CEMIP2: variants seen among roughly 807,000 people sequenced by gnomAD.
CEMIP2 encodes cell migration inducing hyaluronidase 2.
In CEMIP2, 79 loss-of-function variants were observed where a neutral mutation model predicts 146.9. That is an observed-to-expected ratio of 0.54 (90% CI 0.45 to 0.65). CEMIP2 has a LOEUF of 0.65. Among genes scored for constraint, CEMIP2 ranks in the 30% least tolerant of loss-of-function variants. The pLI is 0.00. For missense variants in CEMIP2, 1,596 were observed against 1,696.2 expected, an observed-to-expected ratio of 0.94 and a Z score of 1.04; for synonymous variants, 601 against 606.3, an observed-to-expected ratio of 0.99 and a Z score of 0.13.
intron 12 of CEMIP2, among the ~76,000 whole-genome samples, chr9:71,720,271 G>A (rs1324383604): frequency 2.0e-5 from 3 of 152,124 alleles, no homozygotes; most frequent in Non-Finnish European, 4.4e-5. Context: ...CACAAGGAAA[G>A]GCTTATGTGA....
chr9:71,693,124 T>TA (rs1343583293), intron 21 of CEMIP2, among the ~76,000 whole-genome samples: 3 of 152,106 alleles, frequency 2.0e-5, no homozygotes, highest in Admixed American at 2.0e-4. Context: ...TTTATGACAA[T>TA]AAAAAAATTA....
At chr9:71,723,183 G>T (rs1472003968) in intron 11 of CEMIP2, among the ~76,000 whole-genome samples, 1 of 148,036 alleles carries the variant, frequency 6.8e-6, no homozygotes, top group African/African-American at 2.5e-5. Flanking sequence ...AAAAATGTAC[G>T]AAGGAAGGAA....
chr9:71,763,769 G>A (rs552047639), intron 1 of CEMIP2, among the ~76,000 whole-genome samples: 13 of 152,324 alleles, frequency 8.5e-5, no homozygotes, highest in Middle Eastern at 3.4e-3. Flanking sequence ...TCAAAGGACT[G>A]ATTTGTTGGG....
chr9:71,704,491 A>C (rs1589133673), intron 18 of CEMIP2, 104 bp downstream of exon 18: 1 of 1,227,930 alleles, frequency 8.1e-7, no homozygotes, highest in East Asian at 2.4e-5. Flanking sequence ...AAAGTATGTA[A>C]AATTGGCTTT....
chr9:71,704,275 C>T (rs1466641087), intron 18 of CEMIP2: 12 of 292,624 alleles, frequency 4.1e-5, no homozygotes, highest in Non-Finnish European at 6.5e-6. Flanking sequence ...GCAAATGCTC[C>T]ACTGGAAGAG....
At chr9:71,745,878 C>G (rs1040267282) in intron 3 of CEMIP2, among the ~76,000 whole-genome samples, 88 of 151,972 alleles carry the variant, frequency 5.8e-4, no homozygotes, top group African/African-American at 2.0e-3. Context: ...TGTTAACTCT[C>G]AGAATTGTGA....
intron 16 of CEMIP2, among the ~76,000 whole-genome samples, chr9:71,710,305 C>A (rs1472330689): frequency 6.6e-6 from 1 of 152,104 alleles, no homozygotes; most frequent in Non-Finnish European, 1.5e-5. Context: ...CAGGCAGATA[C>A]CTCTCTTAAA....
intron 1 of CEMIP2, among the ~76,000 whole-genome samples, chr9:71,759,992 A>G (rs778328747): frequency 3.4e-4 from 51 of 150,778 alleles, no homozygotes; most frequent in Non-Finnish European, 7.2e-4. Flanking sequence ...TTTCAAACCT[A>G]TAGTCCTAAA....
At chr9:71,763,632 C>A (rs1188227779) in intron 1 of CEMIP2, among the ~76,000 whole-genome samples, 2 of 152,062 alleles carry the variant, frequency 1.3e-5, no homozygotes, top group African/African-American at 4.8e-5. Flanking sequence ...TACAATGGAC[C>A]CTTGATACAA....
At chr9:71,711,649 G>C (rs1414010134) in intron 16 of CEMIP2, among the ~76,000 whole-genome samples, 1 of 152,014 alleles carries the variant, frequency 6.6e-6, no homozygotes, top group South Asian at 2.1e-4. Flanking sequence ...CACTGCCACA[G>C]TATTCTGCTT....
At chr9:71,728,279 ATG>A (rs369938870) in intron 10 of CEMIP2, among the ~76,000 whole-genome samples, 2,198 of 14,574 alleles carry the variant, frequency 0.15, 582 homozygotes, top group Middle Eastern at 0.22. Flanking sequence ...ATATATATAT[ATG>A]TATATATATA....
At chr9:71,725,274 T>C (rs866933985) in intron 11 of CEMIP2, among the ~76,000 whole-genome samples, 3 of 152,182 alleles carry the variant, frequency 2.0e-5, no homozygotes, top group African/African-American at 7.2e-5. Flanking sequence ...GGATTCGCCC[T>C]CTTGAATGGA....
rs112857963 is a variant in CEMIP2, at chr9:71,709,488, A to T, written c.2770-14T>A. 6.2e-7 allele frequency: 1 copy of T among 1,612,090 alleles called. No individual in the cohort carries two copies. Among genetic ancestry groups the T allele is most frequent in the Non-Finnish European group, 8.5e-7 (1 of 1,178,390 alleles). ...ATTCAGAGAGACCTGACCACAGTGA[A>T]AAAGAAAGACATCACAAAGTGAGGG... On this transcript the variant is annotated splice_polypyrimidine_tract_variant and intron_variant, in intron 16 of 23. Coordinates refer to ENST00000377044, the MANE Select transcript of CEMIP2 (RefSeq NM_013390.3).
At position 71,698,001 on chromosome 9, in the gene CEMIP2, C is replaced by T. The variant is rs768818374; in HGVS notation, c.3581G>A (p.Gly1194Asp). 1.9e-6 allele frequency: 3 copies of T among 1,614,092 alleles called. No homozygotes were observed. In the South Asian group the frequency reaches 3.3e-5, roughly 18 times the overall value. Residue 1194 changes from glycine (G) to aspartate (D), a missense_variant, in exon 20 of 24, where the codon GGC becomes GAC. Gly to Asp is a moderately conservative substitution (Grantham distance 94, BLOSUM62 -1). Transcript: ENST00000377044. ...CTTGTTTACCTGCCGAGTGCCACAG[C>T]CTTGACAGAGTCCAGTGAGCATGGC... ...MPAMLTGLCQGCGTRQVVFTS... is the reference protein window; with the variant it reads ...MPAMLTGLCQDCGTRQVVFTS...
chr9:71,734,221 T>TTTTTTTA (rs1246095658), intron 6 of CEMIP2, among the ~76,000 whole-genome samples: 7 of 150,714 alleles, frequency 4.6e-5, no homozygotes, highest in Middle Eastern at 3.4e-3. Flanking sequence ...TTTGTTTTTG[T>TTTTTTTA]TTTTGGTAAT....
rs373540675 is a variant in CEMIP2 at position 71,704,734 on chromosome 9, G to C, written c.3055C>G (p.Pro1019Ala). ...TGATTAATACCTCGGAGCACCATAG[G>C]GTTGGACGGATACTCATCTCGTGTA... ...TITRDEYPSN[P>A]MVLRGINQKA... Residue 1019 changes from proline to alanine, a missense_variant, in exon 18 of 24, where the codon CCT becomes GCT. Physicochemically the swap from Pro to Ala is conservative, Grantham distance 27. Coordinates refer to ENST00000377044, the MANE Select transcript of CEMIP2 (RefSeq NM_013390.3). The C allele has an allele frequency of 6.2e-7, 1 of 1,614,134 alleles. No homozygotes were observed.
At chr9:71,766,923 A>G (rs1479559887) in intron 1 of CEMIP2, among the ~76,000 whole-genome samples, 1 of 152,242 alleles carries the variant, frequency 6.6e-6, no homozygotes, top group Non-Finnish European at 1.5e-5. Flanking sequence ...GCAGGTACAC[A>G]GAAGCTGGGG....
At chr9:71,694,062 C>A (rs1015419894) in intron 21 of CEMIP2, among the ~76,000 whole-genome samples, 1 of 152,096 alleles carries the variant, frequency 6.6e-6, no homozygotes, top group Non-Finnish European at 1.5e-5. Flanking sequence ...GACTTTCCAG[C>A]CTCCAGAACT....
Position 71,712,108 on chromosome 9 carries a change from A to T in CEMIP2, c.2744T>A (p.Ile915Asn), listed in dbSNP as rs766169468. 1 of 1,614,130 alleles carries T rather than the reference A, an allele frequency of 6.2e-7. No homozygotes were observed. The change falls in exon 16 of 24, where the codon ATC (isoleucine) becomes AAC (asparagine). Residue 915 changes from isoleucine to asparagine, a missense_variant. Ile to Asn is a moderately radical substitution (Grantham distance 149). Coordinates refer to ENST00000377044, the MANE Select transcript of CEMIP2 (RefSeq NM_013390.3). ...ATGTGGACCAAACTTCACGAGGGAG[A>T]TATTATTCCTGGGGGTTATCTGCCA... Reference protein sequence around the residue: ...NSWQITPRNNISLVKFGPHVS... With the variant: ...NSWQITPRNNNSLVKFGPHVS...
Sources: gnomAD v4.1 joint callset for allele counts (sites outside exome capture counted in the v4.1 genomes callset) on GRCh38, gnomAD v4.1.1 for gene constraint, MANE v1.5 for transcripts, NCBI Gene and HGNC (gene_info 2026-07-23, HGNC 2026-07-21) for gene names.